The following LMX1A variants were observed in gnomAD, a reference collection of about 807,000 sequenced individuals.
LMX1A encodes LIM homeobox transcription factor 1 alpha.
In LMX1A, 15 loss-of-function variants were observed where a neutral mutation model predicts 49.1. The observed-to-expected ratio is 0.31, with a 90% CI of 0.20 to 0.47. The LOEUF is 0.47. LMX1A is among the 20% of genes least tolerant of loss of function. The pLI is 1.00. For missense variants in LMX1A, 372 were observed against 475.8 expected (o/e 0.78, Z 2.03); for synonymous variants, 167 against 185.7 (o/e 0.90, Z 0.82).
chr1:165,285,716 A>G (rs188031459), intron 3 of LMX1A, among the ~76,000 whole-genome samples: 9 of 152,298 alleles, frequency 5.9e-5, no homozygotes, highest in African/African-American at 2.2e-4. Context: ...CTTAGCCAGG[A>G]TGGGTTATTA....
chr1:165,242,206 C>T (rs1288369387), intron 4 of LMX1A, among the ~76,000 whole-genome samples: 1 of 152,322 alleles, frequency 6.6e-6, no homozygotes, highest in East Asian at 1.9e-4. Flanking sequence ...AGTGAAGCAG[C>T]ATAAGCCTCG....
chr1:165,224,607 T>C (rs1032958691), intron 4 of LMX1A, among the ~76,000 whole-genome samples: 7 of 152,212 alleles, frequency 4.6e-5, no homozygotes, highest in African/African-American at 1.7e-4. Flanking sequence ...CATCTTTGTA[T>C]CCTCCACAAC....
At chr1:165,350,529 C>T (rs1656394263) in intron 3 of LMX1A, among the ~76,000 whole-genome samples, 1 of 138,064 alleles carries the variant, frequency 7.2e-6, no homozygotes, top group Admixed American at 7.9e-5. Context: ...AGAAGTTTGT[C>T]CTGAGCCTAT....
chr1:165,236,363 G>A (rs888959542), intron 4 of LMX1A, among the ~76,000 whole-genome samples: 6 of 151,646 alleles, frequency 4.0e-5, no homozygotes, highest in Admixed American at 3.9e-4. Context: ...TATCGTACAG[G>A]CTTGCAGGCT....
intron 3 of LMX1A, among the ~76,000 whole-genome samples, chr1:165,342,467 A>G (rs534533201): frequency 2.6e-5 from 4 of 152,212 alleles, no homozygotes; most frequent in African/African-American, 9.6e-5. Context: ...GAGAAAGAAA[A>G]TGGATTCTGC....
At chr1:165,301,040 A>G (rs1018256407) in intron 3 of LMX1A, among the ~76,000 whole-genome samples, 9 of 152,166 alleles carry the variant, frequency 5.9e-5, no homozygotes, top group African/African-American at 2.2e-4. Flanking sequence ...TCATAGGAAA[A>G]TTCTCCTCAC....
intron 3 of LMX1A, among the ~76,000 whole-genome samples, chr1:165,302,063 G>A (rs1174861661): frequency 6.6e-6 from 1 of 152,114 alleles, no homozygotes; most frequent in African/African-American, 2.4e-5. Context: ...CACACAGACA[G>A]ACACTCAAAA....
At chr1:165,325,433 ATATATG>A (rs33966384) in intron 3 of LMX1A, among the ~76,000 whole-genome samples, 9 of 148,204 alleles carry the variant, frequency 6.1e-5, no homozygotes, top group African/African-American at 1.5e-4. Flanking sequence ...ATTTAAAAAT[ATATATG>A]TATATGTATA....
At chr1:165,339,592 G>A (rs762958588) in intron 3 of LMX1A, among the ~76,000 whole-genome samples, 1 of 152,198 alleles carries the variant, frequency 6.6e-6, no homozygotes, top group Non-Finnish European at 1.5e-5. Context: ...CATGACCCAG[G>A]AACGCATTGG....
intron 3 of LMX1A, among the ~76,000 whole-genome samples, chr1:165,295,775 G>A (rs561566560): frequency 6.6e-6 from 1 of 152,138 alleles, no homozygotes; most frequent in African/African-American, 2.4e-5. Flanking sequence ...CCAACTGGCA[G>A]GTCTCAGTCA....
intron 3 of LMX1A, among the ~76,000 whole-genome samples, chr1:165,345,183 T>C (rs957550109): frequency 6.6e-6 from 1 of 152,294 alleles, no homozygotes; most frequent in Admixed American, 6.5e-5. Flanking sequence ...TGTTTTGTTT[T>C]GTTTCGAAAA....
At chr1:165,266,391 T>C (rs529059644) in intron 3 of LMX1A, among the ~76,000 whole-genome samples, 1 of 151,896 alleles carries the variant, frequency 6.6e-6, no homozygotes, top group Non-Finnish European at 1.5e-5. Context: ...AATAGTAGAG[T>C]CCAGTGTGGC....
chr1:165,354,346 A>C (rs1439761670), intron 2 of LMX1A, among the ~76,000 whole-genome samples: 1 of 152,006 alleles, frequency 6.6e-6, no homozygotes, highest in East Asian at 1.9e-4. Flanking sequence ...CAATTTTACA[A>C]TTCTATTTTC....
chr1:165,209,097 T>C (rs756441018), intron 6 of LMX1A, among the ~76,000 whole-genome samples: 2 of 152,214 alleles, frequency 1.3e-5, no homozygotes, highest in Non-Finnish European at 2.9e-5. Context: ...TATTGCAAGA[T>C]TTTTCAGAGC....
At chr1:165,294,453 G>A (rs59094364) in intron 3 of LMX1A, among the ~76,000 whole-genome samples, 7,182 of 152,320 alleles carry the variant, frequency 0.047, 263 homozygotes, top group East Asian at 0.11. Context: ...AGAACACTTA[G>A]CTCCTGCTGA....
intron 2 of LMX1A, among the ~76,000 whole-genome samples, chr1:165,354,431 C>T (rs1656531184): frequency 6.6e-6 from 1 of 152,178 alleles, no homozygotes; most frequent in African/African-American, 2.4e-5. Flanking sequence ...GAGTAAAAAG[C>T]GACGCCCGCT....
intron 3 of LMX1A, among the ~76,000 whole-genome samples, chr1:165,303,333 T>G (rs1355091017): frequency 6.6e-6 from 1 of 152,166 alleles, no homozygotes. Context: ...TCCACAAAAG[T>G]GATCATCTCC....
At chr1:165,298,226 T>G (rs534889886) in intron 3 of LMX1A, among the ~76,000 whole-genome samples, 1 of 152,196 alleles carries the variant, frequency 6.6e-6, no homozygotes, top group Non-Finnish European at 1.5e-5. Flanking sequence ...AGACTGGTTT[T>G]TATGCAGCTA....
intron 3 of LMX1A, among the ~76,000 whole-genome samples, chr1:165,258,142 A>C (rs1282317756): frequency 6.6e-6 from 1 of 152,242 alleles, no homozygotes; most frequent in African/African-American, 2.4e-5. Context: ...GCATTCATTC[A>C]GTGCCATGTT....
Sources: gnomAD v4.1 joint callset for allele counts (sites outside exome capture counted in the v4.1 genomes callset) on GRCh38, gnomAD v4.1.1 for gene constraint, MANE v1.5 for transcripts, NCBI Gene and HGNC (gene_info 2026-07-23, HGNC 2026-07-21) for gene names.